Variants in SAE1 observed in about 807,000 individuals in gnomAD.
SAE1 encodes SUMO-activating enzyme subunit 1.
A neutral mutation model predicts 40.6 loss-of-function variants in SAE1; 11 were observed. The observed-to-expected ratio is 0.27, with a 90% confidence interval of 0.17 to 0.45. SAE1 has a LOEUF of 0.45. Among genes scored for constraint, SAE1 ranks in the 20% least tolerant of loss-of-function variants. The pLI, the probability that SAE1 is intolerant of heterozygous loss-of-function variation, is 1.00. For missense variants in SAE1, 373 were observed against 427.3 expected (o/e 0.87, Z 1.12); for synonymous variants, 155 against 154.3 (o/e 1.00, Z -0.03).
At chr19:47,147,651 C>A (rs181173457) in intron 2 of SAE1, among the ~76,000 whole-genome samples, 7 of 151,522 alleles carry the variant, frequency 4.6e-5, no homozygotes, top group African/African-American at 1.7e-4. Flanking sequence ...TGGGGTTTCA[C>A]CATGTTGGCT....
intron 6 of SAE1, among the ~76,000 whole-genome samples, chr19:47,193,369 C>T (rs6509314): frequency 0.79 from 120,749 of 152,018 alleles, 48,857 homozygotes; most frequent in African/African-American, 0.95. Flanking sequence ...CCAATTGTTA[C>T]AGCTTTGAGT....
intron 7 of SAE1, among the ~76,000 whole-genome samples, chr19:47,197,668 G>T (rs1181231898): frequency 1.3e-5 from 2 of 152,148 alleles, no homozygotes; most frequent in Non-Finnish European, 2.9e-5. Flanking sequence ...ATGTGATCTT[G>T]TTATCTCTTG....
intron 1 of SAE1, chr19:47,142,616 G>C (rs2058229002): frequency 6.6e-6 from 1 of 152,138 alleles, no homozygotes; most frequent in South Asian, 2.1e-4. Context: ...TTGCATGTAA[G>C]AGCCTTCATG....
intron 1 of SAE1, among the ~76,000 whole-genome samples, chr19:47,134,113 G>A (rs1179245011): frequency 6.6e-6 from 1 of 151,850 alleles, no homozygotes; most frequent in Non-Finnish European, 1.5e-5. Context: ...CACCTGCCTC[G>A]GCCTCCCAAA....
rs2058670818 is a variant in SAE1, at chr19:47,204,058, ATAAG to A, written c.948+320_948+323del. On this transcript the variant is annotated intron_variant, in intron 8 of 8. Transcript: ENST00000270225. Reference sequence around the variant, plus strand: ...CAGGGATTCTGCTTCTCATAGCTCTATAAGTGAGTACTATCATGATCCCCACTTA... The same window carrying A: ...CAGGGATTCTGCTTCTCATAGCTCTATGAGTACTATCATGATCCCCACTTA... Among the ~76,000 whole-genome samples, 5 of 152,006 alleles carry A rather than the reference ATAAG, an allele frequency of 3.3e-5. No homozygotes were observed. In the South Asian group the frequency reaches 1.0e-3, roughly 31 times the overall value.
chr19:47,152,951 T>A lies in SAE1; in HGVS notation c.438T>A (p.Cys146Ter). The change falls in exon 4 of 9, where the codon TGT becomes TGA. Residue 146 changes from cysteine to a stop codon, truncating the protein, a stop_gained. Transcript: ENST00000270225. LOFTEE classifies it high-confidence loss of function. ...TCATAGTTAAAGTTGACCAGATCTGTCACAAAAATAGCATCAAGTTCTTTA... is the reference window on the plus strand; with the variant it reads ...TCATAGTTAAAGTTGACCAGATCTGACACAAAAATAGCATCAAGTTCTTTA... ...RDVIVKVDQI[C>*]HKNSIKFFTG... is the part of the protein sequence containing the mutation. The A allele has an allele frequency of 6.2e-7, 1 of 1,612,576 alleles. No homozygotes were observed. The highest frequency in any genetic ancestry group is 8.5e-7 in the Non-Finnish European group (1 of 1,179,898).
At chr19:47,173,786 CTT>C (rs749843235) in intron 6 of SAE1, among the ~76,000 whole-genome samples, 13 of 140,976 alleles carry the variant, frequency 9.2e-5, no homozygotes, top group Non-Finnish European at 9.3e-5. Context: ...TCTTTCTTTT[CTT>C]TTTTTTTTTT....
At chr19:47,170,062 G>T in intron 6 of SAE1, 139 bp downstream of exon 6, 1 of 659,752 alleles carries the variant, frequency 1.5e-6, no homozygotes. Flanking sequence ...GATCACTTGA[G>T]AAAGGGGTGG....
chr19:47,163,662 G>C (rs556992573), intron 5 of SAE1, among the ~76,000 whole-genome samples: 82 of 152,280 alleles, frequency 5.4e-4, no homozygotes, highest in Non-Finnish European at 9.7e-4. Flanking sequence ...GGGAGGCAGA[G>C]GTTGCAGTGA....
intron 6 of SAE1, among the ~76,000 whole-genome samples, chr19:47,172,828 G>T (rs997991035): frequency 7.9e-5 from 12 of 151,820 alleles, no homozygotes; most frequent in African/African-American, 2.9e-4. Context: ...AGTTCTCTAG[G>T]ACTTGCTCTG....
intron 1 of SAE1, among the ~76,000 whole-genome samples, chr19:47,134,427 G>A (rs2058166297): frequency 2.0e-5 from 3 of 152,042 alleles, no homozygotes; most frequent in South Asian, 2.1e-4. Flanking sequence ...GTCATCATGA[G>A]GCATTAACAT....
At chr19:47,191,663 G>A (rs953572002) in intron 6 of SAE1, among the ~76,000 whole-genome samples, 1 of 152,094 alleles carries the variant, frequency 6.6e-6, no homozygotes, top group South Asian at 2.1e-4. Flanking sequence ...TTTGTTACTG[G>A]GACACAAGCA....
chr19:47,201,274 C>T (rs1354523464), intron 7 of SAE1, among the ~76,000 whole-genome samples: 1 of 149,050 alleles, frequency 6.7e-6, no homozygotes, highest in Non-Finnish European at 1.5e-5. Context: ...ATCTCAAACT[C>T]CTGACCTCAT....
intron 6 of SAE1, among the ~76,000 whole-genome samples, chr19:47,191,633 C>G (rs2058578390): frequency 6.6e-6 from 1 of 152,204 alleles, no homozygotes; most frequent in Non-Finnish European, 1.5e-5. Context: ...TGCTAGATGA[C>G]TCTTGTGCGA....
chr19:47,143,225 C>A (rs2058233096), intron 1 of SAE1, among the ~76,000 whole-genome samples: 1 of 152,094 alleles, frequency 6.6e-6, no homozygotes, highest in African/African-American at 2.4e-5. Flanking sequence ...CCTGCCTCAG[C>A]CTCCCAAGTA....
chr19:47,151,012 A>C (rs2058284832), intron 3 of SAE1, among the ~76,000 whole-genome samples: 1 of 152,212 alleles, frequency 6.6e-6, no homozygotes, highest in Non-Finnish European at 1.5e-5. Context: ...TTTCAGACAT[A>C]GTTCCCTGCA....
intron 5 of SAE1, among the ~76,000 whole-genome samples, chr19:47,158,879 G>GACTTT (rs1431959827): frequency 1.3e-5 from 2 of 152,198 alleles, no homozygotes; most frequent in Non-Finnish European, 2.9e-5. Context: ...TTACAAAGAG[G>GACTTT]GATACCCCTG....
In SAE1 at chr19:47,155,165, C is replaced by A; in HGVS notation, c.579C>A (p.Asp193Glu). The A allele has an allele frequency of 6.2e-7, 1 of 1,614,010 alleles. No individual in the cohort carries two copies. The highest frequency in any genetic ancestry group is 8.5e-7 in the Non-Finnish European group (1 of 1,179,954). Residue 193 changes from aspartate to glutamate, a missense_variant, in exon 5 of 9, where the codon GAC becomes GAA. Asp to Glu is a conservative substitution (Grantham distance 45). This residue lies in a region of SAE1 where 351 missense variants were observed against 390.6 expected (regional missense o/e 0.90). Coordinates refer to ENST00000270225, the MANE Select transcript of SAE1 (RefSeq NM_005500.3). ...GCCAAGGAGTAGAAGATGGGCCCGACACCAAGAGAGCAAAACTTGATTCTT... is the reference window on the plus strand; with the variant it reads ...GCCAAGGAGTAGAAGATGGGCCCGAAACCAAGAGAGCAAAACTTGATTCTT... Reference protein sequence around the residue: ...KVSQGVEDGPDTKRAKLDSSE... With the variant: ...KVSQGVEDGPETKRAKLDSSE...
intron 1 of SAE1, among the ~76,000 whole-genome samples, chr19:47,135,278 TTTAA>T (rs1297057676): frequency 6.6e-6 from 1 of 152,180 alleles, no homozygotes; most frequent in Non-Finnish European, 1.5e-5. Flanking sequence ...ATTCATTGTA[TTTAA>T]TTATATTTTT....
Sources: allele counts gnomAD v4.1 joint callset (sites outside exome capture counted in the v4.1 genomes callset), GRCh38; gene constraint gnomAD v4.1.1; regional missense constraint gnomAD v4.1.1; transcripts MANE v1.5; gene names NCBI Gene and HGNC (gene_info 2026-07-23, HGNC 2026-07-21).